Variants in UGT1A9 observed in about 807,000 individuals in gnomAD.
UGT1A9 encodes the protein UDP glucuronosyltransferase family 1 member A9, also known as UDP-glucuronosyltransferase 1A9.
Under a neutral mutation model 45.0 loss-of-function variants are expected in UGT1A9, and 35 were observed. The observed-to-expected ratio is 0.78, with a 90% CI of 0.59 to 1.03. The LOEUF is 1.03. UGT1A9 is among the 50% of genes least tolerant of loss of function. The pLI, the probability that UGT1A9 is intolerant of heterozygous loss-of-function variation, is 0.00. For synonymous variants in UGT1A9, 278 were observed against 250.6 expected (o/e 1.11, Z -1.03); for missense variants, 687 against 666.6 (o/e 1.03, Z -0.34).
At chr2:233,674,318 G>C (rs1186296242) in intron 1 of UGT1A9, among the ~76,000 whole-genome samples, 3 of 152,180 alleles carry the variant, frequency 2.0e-5, no homozygotes, top group Non-Finnish European at 2.9e-5. Flanking sequence ...CACAAGACTA[G>C]GCTAGGAGAT....
chr2:233,758,177 A>G (rs1696814164), intron 1 of UGT1A9, among the ~76,000 whole-genome samples: 1 of 152,208 alleles, frequency 6.6e-6, no homozygotes, highest in African/African-American at 2.4e-5. Flanking sequence ...TTCAGAGCAG[A>G]TATTAATTGG....
At chr2:233,751,618 G>A (rs1295625249) in intron 1 of UGT1A9, among the ~76,000 whole-genome samples, 1 of 152,174 alleles carries the variant, frequency 6.6e-6, no homozygotes, top group East Asian at 1.9e-4. Context: ...GAGGTGATTG[G>A]ATCATGTGTG....
At chr2:233,692,935 A>C (rs2075120716) in intron 1 of UGT1A9, 1 of 1,587,686 alleles carries the variant, frequency 6.3e-7, no homozygotes, top group African/African-American at 1.3e-5. Context: ...TTTAGGGAAA[A>C]TACCTAGGAG....
chr2:233,681,194 C>T (rs968368411), intron 1 of UGT1A9, among the ~76,000 whole-genome samples: 3 of 151,954 alleles, frequency 2.0e-5, no homozygotes. Context: ...TTCCGTCGAA[C>T]ATGAGATGCC....
intron 1 of UGT1A9, among the ~76,000 whole-genome samples, chr2:233,710,740 G>T (rs1041817695): frequency 2.0e-5 from 3 of 152,172 alleles, no homozygotes; most frequent in African/African-American, 7.2e-5. Context: ...GTCTTTCAAG[G>T]AGCAAAAGTT....
chr2:233,758,423 G>T (rs1305067521), intron 1 of UGT1A9, among the ~76,000 whole-genome samples: 3 of 152,182 alleles, frequency 2.0e-5, no homozygotes, highest in Non-Finnish European at 1.5e-5. Flanking sequence ...ATCTGCAAAT[G>T]AACTCACACA....
intron 1 of UGT1A9, chr2:233,747,091 T>G (rs1693559747): frequency 8.0e-7 from 1 of 1,256,442 alleles, no homozygotes. Context: ...AGGAGAGCAC[T>G]CTATCTTCCA....
At chr2:233,713,303 A>T (rs1470676063) in intron 1 of UGT1A9, 1 of 1,614,224 alleles carries the variant, frequency 6.2e-7, no homozygotes, top group South Asian at 1.1e-5. Context: ...TTGAAACAGA[A>T]CATCTTCTGA....
rs2125501811 is a variant in UGT1A9 at position 233,672,253 on chromosome 2, T to C, written c.319T>C (p.Ser107Pro). 1 of 1,614,200 alleles carries C rather than the reference T, an allele frequency of 6.2e-7. No homozygotes were observed. The highest frequency in any genetic ancestry group is 1.6e-4 in the Middle Eastern group (1 of 6,062). ...QWKAQVRSIY[S>P]LLMGSYNDIF... ...GAAAGCACAAGTACGAAGTATATAT[T>C]CTCTATTAATGGGTTCATACAATGA... Residue 107 changes from serine (S) to proline (P), a missense_variant, in exon 1 of 5, where the codon TCT (serine) becomes CCT (proline). Transcript: ENST00000354728.
intron 1 of UGT1A9, chr2:233,718,754 G>A: frequency 3.7e-6 from 6 of 1,612,386 alleles, no homozygotes; most frequent in Non-Finnish European, 5.1e-6. Flanking sequence ...GGTAATTAAG[G>A]CGAAGGAAAC....
intron 1 of UGT1A9, among the ~76,000 whole-genome samples, chr2:233,684,708 A>T (rs2074694202): frequency 1.3e-5 from 2 of 152,034 alleles, no homozygotes; most frequent in African/African-American, 4.8e-5. Context: ...GTTATGTATT[A>T]ATGTATATAT....
chr2:233,690,794 C>A, intron 1 of UGT1A9: 1 of 1,143,932 alleles, frequency 8.7e-7, no homozygotes, highest in Non-Finnish European at 1.1e-6. Flanking sequence ...CACACACACA[C>A]ACACACCATT....
At chr2:233,747,557 A>G (rs1485247055) in intron 1 of UGT1A9, 14 of 1,596,092 alleles carry the variant, frequency 8.8e-6, no homozygotes, top group Non-Finnish European at 8.6e-6. Flanking sequence ...AAAGTATGGC[A>G]ATTTTGAAAA....
At chr2:233,700,356 T>C (rs998443446) in intron 1 of UGT1A9, among the ~76,000 whole-genome samples, 8 of 152,234 alleles carry the variant, frequency 5.3e-5, no homozygotes, top group African/African-American at 1.7e-4. Context: ...CTTATCTTTA[T>C]GGCTGATTAT....
intron 1 of UGT1A9, among the ~76,000 whole-genome samples, chr2:233,675,742 A>G (rs1464784018): frequency 6.6e-6 from 1 of 152,202 alleles, no homozygotes; most frequent in Non-Finnish European, 1.5e-5. Context: ...TAATTCATCT[A>G]TCCCTTTATT....
chr2:233,719,373 A>G (rs772532709), intron 1 of UGT1A9: 4 of 1,613,970 alleles, frequency 2.5e-6, no homozygotes. Flanking sequence ...CTTTAAGGGC[A>G]CACAGTGTCC....
chr2:233,700,852 C>T (rs1159927866), intron 1 of UGT1A9, among the ~76,000 whole-genome samples: 1 of 152,028 alleles, frequency 6.6e-6, no homozygotes, highest in Non-Finnish European at 1.5e-5. Flanking sequence ...AGGTATATCT[C>T]CTAATGCTAT....
At chr2:233,718,845 C>T (rs372864250) in intron 1 of UGT1A9, 6 of 1,613,704 alleles carry the variant, frequency 3.7e-6, no homozygotes, top group Non-Finnish European at 5.1e-6. Flanking sequence ...CCAGGTTCCC[C>T]TGCCGCGGCT....
At chr2:233,685,230 A>G (rs1312542401) in intron 1 of UGT1A9, among the ~76,000 whole-genome samples, 1 of 152,116 alleles carries the variant, frequency 6.6e-6, no homozygotes, top group Non-Finnish European at 1.5e-5. Flanking sequence ...ACGGGGTTTC[A>G]CCATGTTGGC....
Sources: allele counts gnomAD v4.1 joint callset (sites outside exome capture counted in the v4.1 genomes callset), GRCh38; gene constraint gnomAD v4.1.1; transcripts MANE v1.5; gene names NCBI Gene and HGNC (gene_info 2026-07-23, HGNC 2026-07-21).